The following WARS2 variants were observed in gnomAD, a reference collection of about 807,000 sequenced individuals.
WARS2 encodes the protein tryptophan--tRNA ligase, mitochondrial.
In WARS2, 28 loss-of-function variants were observed where a neutral mutation model predicts 36.5. The ratio of observed to expected loss-of-function variants is 0.77; its 90% confidence interval spans 0.57 to 1.05. WARS2 has a LOEUF of 1.05. WARS2 is among the 50% of genes least tolerant of loss of function. The probability of loss-of-function intolerance (pLI) is 0.00; values close to 1 mark genes in which losing one functional copy is unlikely to be tolerated. For synonymous variants in WARS2, 174 were observed against 178.4 expected (o/e 0.98, Z 0.20); for missense variants, 435 against 456.8 (o/e 0.95, Z 0.44).
At chr1:119,044,227 T>C (rs1248470103) in intron 3 of WARS2, among the ~76,000 whole-genome samples, 2 of 152,222 alleles carry the variant, frequency 1.3e-5, no homozygotes, top group African/African-American at 4.8e-5. Context: ...ATGTATTTCC[T>C]ACAAACAAGC....
chr1:119,140,477 G>T, intron 1 of WARS2, 78 bp downstream of exon 1: 2 of 1,358,458 alleles, frequency 1.5e-6, no homozygotes, highest in Non-Finnish European at 2.1e-6. Flanking sequence ...CGGGAGGAGA[G>T]AAATAAATAG....
chr1:119,066,322 C>CA (rs1164680068), intron 2 of WARS2, among the ~76,000 whole-genome samples: 11 of 151,412 alleles, frequency 7.3e-5, no homozygotes, highest in Admixed American at 7.2e-4. Flanking sequence ...ACTAAAAATA[C>CA]AAAAAATTAG....
chr1:119,102,060 C>T (rs1216576356), intron 1 of WARS2, among the ~76,000 whole-genome samples: 2 of 3,456 alleles, frequency 5.8e-4, no homozygotes, highest in Non-Finnish European at 1.1e-3. Context: ...GCGGTGGTGG[C>T]GGTGGGGGTT....
At chr1:119,066,194 A>G (rs1650829921) in intron 2 of WARS2, among the ~76,000 whole-genome samples, 1 of 152,164 alleles carries the variant, frequency 6.6e-6, no homozygotes, top group African/African-American at 2.4e-5. Context: ...GACAAGCTAC[A>G]AGGCTGGGTG....
chr1:119,138,512 A>G (rs587710585), intron 1 of WARS2, among the ~76,000 whole-genome samples: 10 of 152,328 alleles, frequency 6.6e-5, no homozygotes, highest in African/African-American at 2.4e-4. Context: ...AAAAGGAAAC[A>G]AATAACTTTT....
chr1:119,093,524 T>C (rs1653195755), intron 1 of WARS2, among the ~76,000 whole-genome samples: 2 of 147,326 alleles, frequency 1.4e-5, no homozygotes, highest in Non-Finnish European at 3.0e-5. Flanking sequence ...CACAGACACA[T>C]AGAGGGAAAA....
chr1:119,056,745 T>A (rs1649847539), intron 2 of WARS2, among the ~76,000 whole-genome samples: 1 of 151,930 alleles, frequency 6.6e-6, no homozygotes, highest in African/African-American at 2.4e-5. Context: ...AAACCACTGA[T>A]CAGTTTTGTT....
chr1:119,082,246 T>A (rs1652252719), intron 1 of WARS2: 11 of 984,640 alleles, frequency 1.1e-5, no homozygotes, highest in Non-Finnish European at 1.3e-5. Context: ...AGGAATCAAC[T>A]TAATTCTTAA....
chr1:119,128,315 C>A (rs1233608087), intron 1 of WARS2, among the ~76,000 whole-genome samples: 4 of 152,082 alleles, frequency 2.6e-5, no homozygotes, highest in African/African-American at 9.7e-5. Flanking sequence ...AGGTGATCCA[C>A]TCACCTCAGC....
intron 1 of WARS2, among the ~76,000 whole-genome samples, chr1:119,091,449 T>C (rs1653036919): frequency 6.6e-6 from 1 of 152,202 alleles, no homozygotes; most frequent in South Asian, 2.1e-4. Context: ...ACTTCAGCCA[T>C]ATGTACTTCA....
intron 1 of WARS2, among the ~76,000 whole-genome samples, chr1:119,131,789 G>A (rs1235835974): frequency 1.3e-5 from 2 of 151,922 alleles, no homozygotes; most frequent in Non-Finnish European, 2.9e-5. Flanking sequence ...AACGTTCTGT[G>A]GGAAGTCTGG....
At chr1:119,090,813 T>C (rs1431684495) in intron 1 of WARS2, among the ~76,000 whole-genome samples, 1 of 152,174 alleles carries the variant, frequency 6.6e-6, no homozygotes, top group African/African-American at 2.4e-5. Flanking sequence ...GGAGAACTGC[T>C]TGAGCCTGGA....
At chr1:119,136,547 T>A (rs587702331) in intron 1 of WARS2, among the ~76,000 whole-genome samples, 21 of 152,296 alleles carry the variant, frequency 1.4e-4, no homozygotes, top group African/African-American at 5.1e-4. Flanking sequence ...AGTAACCTCA[T>A]CAAACTGGCA....
chr1:119,098,163 C>A (rs923485882), intron 1 of WARS2, among the ~76,000 whole-genome samples: 2 of 151,946 alleles, frequency 1.3e-5, no homozygotes, highest in Non-Finnish European at 2.9e-5. Context: ...GCAGAAGAAT[C>A]GCTTGAACCC....
chr1:119,037,186 A>T (rs1647956500), intron 4 of WARS2, among the ~76,000 whole-genome samples: 1 of 152,126 alleles, frequency 6.6e-6, no homozygotes, highest in Non-Finnish European at 1.5e-5. Context: ...TCTTAGACAC[A>T]ACATAAAACA....
chr1:119,071,562 C>T (rs1389649454), intron 2 of WARS2, among the ~76,000 whole-genome samples: 1 of 152,122 alleles, frequency 6.6e-6, no homozygotes, highest in Non-Finnish European at 1.5e-5. Flanking sequence ...ACCCAGAGGA[C>T]ATTTTGTTAA....
chr1:119,129,058 A>G (rs1007217128), intron 1 of WARS2, among the ~76,000 whole-genome samples: 1 of 152,236 alleles, frequency 6.6e-6, no homozygotes, highest in Non-Finnish European at 1.5e-5. Flanking sequence ...TTATGGTTAT[A>G]AAGTATAACT....
intron 1 of WARS2, among the ~76,000 whole-genome samples, chr1:119,102,943 T>C (rs183740306): frequency 3.9e-4 from 60 of 152,348 alleles, no homozygotes; most frequent in African/African-American, 1.3e-3. Context: ...TTGTTTGTAT[T>C]TTACACTCTG....
chr1:119,100,321 A>C (rs1653764189), intron 1 of WARS2, among the ~76,000 whole-genome samples: 1 of 152,204 alleles, frequency 6.6e-6, no homozygotes, highest in Non-Finnish European at 1.5e-5. Flanking sequence ...GAGAAAAGAG[A>C]ACTCTTATAC....
Sources: gnomAD v4.1 joint callset for allele counts (sites outside exome capture counted in the v4.1 genomes callset) on GRCh38, gnomAD v4.1.1 for gene constraint, MANE v1.5 for transcripts, NCBI Gene and HGNC (gene_info 2026-07-23, HGNC 2026-07-21) for gene names.